Variants in UBE2J2 observed in about 807,000 individuals in gnomAD.
UBE2J2 encodes the protein ubiquitin conjugating enzyme E2 J2.
UBE2J2 carries 5 observed loss-of-function variants against 28.6 expected under a neutral mutation model. The observed-to-expected ratio is 0.17, with a 90% CI of 0.09 to 0.37. The LOEUF (loss-of-function observed/expected upper bound fraction) is 0.37, where lower values mean the gene tolerates loss of function less well. Among genes scored for constraint, UBE2J2 ranks in the 10% least tolerant of loss-of-function variants. The pLI is 1.00. For synonymous variants in UBE2J2, 138 were observed against 139.7 expected (o/e 0.99, Z 0.09); for missense variants, 226 against 338.9 (o/e 0.67, Z 2.62).
chr1:1,262,538 C>T, intron 3 of UBE2J2: 1 of 328,762 alleles, frequency 3.0e-6, no homozygotes, highest in Non-Finnish European at 6.1e-6. Context: ...GCACTCTCTT[C>T]TAGTGAAATC....
At chr1:1,270,725 C>T (rs1216369313) in intron 1 of UBE2J2, among the ~76,000 whole-genome samples, 1 of 152,178 alleles carries the variant, frequency 6.6e-6, no homozygotes, top group Non-Finnish European at 1.5e-5. Context: ...CGATCACCCA[C>T]TCCCCCATCC....
chr1:1,270,733 T>A (rs1193739954), intron 1 of UBE2J2, among the ~76,000 whole-genome samples: 1 of 151,966 alleles, frequency 6.6e-6, no homozygotes, highest in Non-Finnish European at 1.5e-5. Flanking sequence ...CACTCCCCCA[T>A]CCACCCTTCA....
intron 3 of UBE2J2, among the ~76,000 whole-genome samples, chr1:1,259,473 C>T (rs1262805957): frequency 6.6e-6 from 1 of 152,226 alleles, no homozygotes; most frequent in African/African-American, 2.4e-5. Context: ...CAAATCGCCA[C>T]GGGCTCTTCT....
In UBE2J2 at chr1:1,254,021, G is replaced by A. The variant is rs1639044566; in HGVS notation, c.*1182C>T. Reference sequence around the variant, plus strand: ...CTGAATAAACTGATCAAAAAACGAAGAAAGATGAGCGCGTGCGGGCTGGGC... The same window carrying A: ...CTGAATAAACTGATCAAAAAACGAAAAAAGATGAGCGCGTGCGGGCTGGGC... On this transcript the variant is annotated 3_prime_UTR_variant, in exon 7 of 7. Transcript: ENST00000349431. 1 of 152,216 alleles carries A rather than the reference G, an allele frequency of 6.6e-6. No homozygotes were observed. The highest frequency in any genetic ancestry group is 2.4e-5 in the African/African-American group (1 of 41,458). The allele number at this position is 152,216 out of a possible 1,614,324, so 9.4% of individuals were successfully genotyped here. A position where few individuals can be genotyped will look rare whatever the true frequency, so the allele number is the denominator to read the frequency against.
At chr1:1,258,516 C>A (rs1639343745) in intron 3 of UBE2J2, among the ~76,000 whole-genome samples, 1 of 152,076 alleles carries the variant, frequency 6.6e-6, no homozygotes, top group Non-Finnish European at 1.5e-5. Flanking sequence ...GTCCTGGCAT[C>A]CTCCTGGGGT....
Position 1,254,441 on chromosome 1 carries a change from G to C in UBE2J2, c.*762C>G, listed in dbSNP as rs1000501815. 6.6e-6 allele frequency: 1 copy of C among 152,254 alleles called. No individual in the cohort carries two copies. The highest frequency in any genetic ancestry group is 2.4e-5 in the African/African-American group (1 of 41,456). The allele number at this position is 152,254 out of a possible 1,614,324, so 9.4% of individuals were successfully genotyped here. On this transcript the variant is annotated 3_prime_UTR_variant, in exon 7 of 7. Transcript: ENST00000349431. ...CCGGACATAAGGAATTCAGAGAAAA[G>C]GCTCTGCAGGTACCCAAGGCCCCCC...
intron 3 of UBE2J2, among the ~76,000 whole-genome samples, chr1:1,259,127 G>A (rs1192818059): frequency 1.4e-5 from 2 of 141,858 alleles, no homozygotes; most frequent in Non-Finnish European, 3.1e-5. Context: ...CAGGACGCAC[G>A]TGTGTGCATG....
intron 3 of UBE2J2, 100 bp downstream of exon 3, chr1:1,263,246 A>G (rs945838250): frequency 2.3e-5 from 26 of 1,126,702 alleles, no homozygotes; most frequent in Non-Finnish European, 2.8e-5. Context: ...CATCCAAAGT[A>G]GAAAGGCTGC....
chr1:1,264,672 C>G (rs531364972), intron 2 of UBE2J2: 1 of 152,380 alleles, frequency 6.6e-6, no homozygotes, highest in South Asian at 2.1e-4. Context: ...CTTTGGGAGG[C>G]TGAGGCAGGT....
In UBE2J2 at chr1:1,254,140, G is replaced by A. The variant is rs1055483750; in HGVS notation, c.*1063C>T. 2 of 152,282 alleles carry A rather than the reference G, an allele frequency of 1.3e-5. No homozygotes were observed. The highest frequency in any genetic ancestry group is 4.8e-5 in the African/African-American group (2 of 41,572). 9.4% of individuals were successfully genotyped at this position (152,282 alleles called of 1,614,324 possible). ...CACCTGCGGTACATCCCACCCAGGCGAAGTCACGGAACAGACGCAGAAGAG... is the reference window on the plus strand; with the variant it reads ...CACCTGCGGTACATCCCACCCAGGCAAAGTCACGGAACAGACGCAGAAGAG... On this transcript the variant is annotated 3_prime_UTR_variant, in exon 7 of 7. Transcript: ENST00000349431.
rs1182739872 is a variant in UBE2J2, at chr1:1,268,003, C to T, written c.1-11G>A. ...GCTGGTGCTGCTCATCTGTTAAAAG[C>T]AACGTCTACACTGACGACGAGAAGC... On this transcript the variant is annotated splice_polypyrimidine_tract_variant and intron_variant, in intron 1 of 6. Coordinates refer to ENST00000349431, the MANE Select transcript of UBE2J2 (RefSeq NM_058167.3). The surrounding 1 kb of genome is among the most constrained non-coding windows in gnomAD (Gnocchi z 4.7). The T allele has an allele frequency of 1.2e-6, 2 of 1,613,756 alleles. No homozygotes were observed. Among genetic ancestry groups the T allele is most frequent in the African/African-American group, 1.3e-5 (1 of 75,032 alleles).
chr1:1,266,550 G>A (rs1002451416), intron 2 of UBE2J2, among the ~76,000 whole-genome samples: 6 of 152,124 alleles, frequency 3.9e-5, no homozygotes, highest in African/African-American at 7.2e-5. Flanking sequence ...GGCCGGGCGT[G>A]GTGGCTCACG....
At chr1:1,270,209 C>T (rs933311744) in intron 1 of UBE2J2, among the ~76,000 whole-genome samples, 2 of 152,186 alleles carry the variant, frequency 1.3e-5, no homozygotes, top group Admixed American at 1.3e-4. Context: ...ATTACTGAGT[C>T]TCGGGTACAT....
rs200145979 is a variant in UBE2J2, at chr1:1,256,962, G to A, written c.414+30C>T. 18 of 1,442,658 alleles carry A rather than the reference G, an allele frequency of 1.2e-5. No individual in the cohort carries two copies. The East Asian group carries it at 2.6e-4, about 21-fold the overall frequency. 89.4% of individuals were successfully genotyped at this position (1,442,658 alleles called of 1,614,324 possible). A position where few individuals can be genotyped will look rare whatever the true frequency, so the allele number is the denominator to read the frequency against. On this transcript the variant is annotated intron_variant, in intron 5 of 6. Transcript: ENST00000349431. ...ACAGCCCCCCAGACACAAGGCTGAC[G>A]GCCCACCAGGGAGAGGCTCTAAAAC...
rs145734590 is a variant in UBE2J2 at position 1,261,237 on chromosome 1, G to T, written c.172+2109C>A. Among the ~76,000 whole-genome samples, 145 of 152,368 alleles carry T rather than the reference G, an allele frequency of 9.5e-4. 1 individual carries two copies. The highest frequency in any genetic ancestry group is 3.3e-3 in the African/African-American group (137 of 41,584). On this transcript the variant is annotated intron_variant, in intron 3 of 6. Coordinates refer to ENST00000349431, the MANE Select transcript of UBE2J2 (RefSeq NM_058167.3). ...CCCCAGTGAGGGGGAGGTCCGCGGG[G>T]ACGGGAGCAGCAGTGCCATAGAGGG...
chr1:1,272,303 C>G (rs992229799), intron 1 of UBE2J2, among the ~76,000 whole-genome samples: 5 of 152,096 alleles, frequency 3.3e-5, no homozygotes, highest in African/African-American at 1.2e-4. Flanking sequence ...CAAAAAGGCA[C>G]AGGAAAAAAA....
rs1162207138 is a variant in UBE2J2 at position 1,254,071 on chromosome 1, G to A, written c.*1132C>T. 2.6e-5 allele frequency: 4 copies of A among 152,250 alleles called. No homozygotes were observed. Among genetic ancestry groups the A allele is most frequent in the Non-Finnish European group, 5.9e-5 (4 of 68,050 alleles). 9.4% of individuals were successfully genotyped at this position (152,250 alleles called of 1,614,324 possible). A position where few individuals can be genotyped will look rare whatever the true frequency, so the allele number is the denominator to read the frequency against. On this transcript the variant is annotated 3_prime_UTR_variant, in exon 7 of 7. Transcript: ENST00000349431. The stretch of plus-strand genomic sequence containing the variant: ...CTTGTCTCACGCCCGCCTCCGGACA[G>A]GGTGGGTTTCTTGCCGGCGGCCGTG...
chr1:1,267,090 T>C (rs1210739411), intron 2 of UBE2J2, among the ~76,000 whole-genome samples: 3 of 151,936 alleles, frequency 2.0e-5, no homozygotes, highest in Admixed American at 2.0e-4. Flanking sequence ...GGTTTCACCA[T>C]GTTGACCAGG....
chr1:1,256,606 G>A (rs1028880200), intron 5 of UBE2J2, among the ~76,000 whole-genome samples: 1 of 152,192 alleles, frequency 6.6e-6, no homozygotes, highest in African/African-American at 2.4e-5. Flanking sequence ...GCTGCGGCCG[G>A]GCGCGGTGGC....
Sources: gnomAD v4.1 joint callset for allele counts (sites outside exome capture counted in the v4.1 genomes callset) on GRCh38, gnomAD v4.1.1 for gene constraint, Gnocchi (gnomAD v3.1) non-coding constraint, MANE v1.5 for transcripts, NCBI Gene and HGNC (gene_info 2026-07-23, HGNC 2026-07-21) for gene names.